The following WIPF3 variants were observed in gnomAD, a reference collection of about 807,000 sequenced individuals.
The protein encoded by WIPF3 is WAS/WASL-interacting protein family member 3.
In WIPF3, 33 loss-of-function variants were observed where a neutral mutation model predicts 38.9. That is an observed-to-expected ratio of 0.85 (90% CI 0.64 to 1.14). The LOEUF is 1.14. Ranked by LOEUF, WIPF3 falls within the 50% of genes most tolerant of loss-of-function variation. The pLI is 0.00. For synonymous variants in WIPF3, 324 were observed against 269.3 expected, an observed-to-expected ratio of 1.20 and a Z score of -1.99; for missense variants, 711 against 652.5, an observed-to-expected ratio of 1.09 and a Z score of -0.98.
chr7:29,846,225 C>T (rs174940), intron 2 of WIPF3, among the ~76,000 whole-genome samples: 82,809 of 152,000 alleles, frequency 0.54, 23,948 homozygotes, highest in East Asian at 0.79. Context: ...GAGAATAGAC[C>T]CTGTGCCTTT....
chr7:29,858,523 A>AC (rs1785225240), intron 2 of WIPF3, among the ~76,000 whole-genome samples: 1 of 151,986 alleles, frequency 6.6e-6, no homozygotes, highest in South Asian at 2.1e-4. Flanking sequence ...CTAAAAATAC[A>AC]CCCCCCTTAT....
At chr7:29,816,054 A>G (rs970488858) in intron 1 of WIPF3, among the ~76,000 whole-genome samples, 4 of 152,222 alleles carry the variant, frequency 2.6e-5, no homozygotes, top group African/African-American at 7.2e-5. Context: ...TTTGAGGTGT[A>G]AAGAGATCTC....
At chr7:29,910,346 A>C (rs1045741914) in intron 8 of WIPF3, among the ~76,000 whole-genome samples, 1 of 152,326 alleles carries the variant, frequency 6.6e-6, no homozygotes, top group African/African-American at 2.4e-5. Flanking sequence ...AATTCTGCCA[A>C]ACGTTCAAAG....
At chr7:29,906,134 A>AAAATCAC (rs1786392700) in intron 8 of WIPF3, 3 of 152,198 alleles carry the variant, frequency 2.0e-5, no homozygotes, top group Admixed American at 2.0e-4. Context: ...AACAACAACA[A>AAAATCAC]AAATCACATC....
At chr7:29,908,474 CA>C (rs536016936) in intron 8 of WIPF3, among the ~76,000 whole-genome samples, 1 of 152,080 alleles carries the variant, frequency 6.6e-6, no homozygotes, top group Non-Finnish European at 1.5e-5. Flanking sequence ...ATAGAGAACA[CA>C]AAAAAGCTGT....
intron 2 of WIPF3, among the ~76,000 whole-genome samples, chr7:29,852,467 C>G (rs1785118827): frequency 6.6e-6 from 1 of 152,202 alleles, no homozygotes; most frequent in South Asian, 2.1e-4. Flanking sequence ...TCATGTACAG[C>G]CTTGTTCTTC....
intron 1 of WIPF3, among the ~76,000 whole-genome samples, chr7:29,832,351 C>A (rs1363414598): frequency 2.1e-5 from 3 of 144,978 alleles, no homozygotes; most frequent in African/African-American, 7.9e-5. Context: ...GCCTTAGCAC[C>A]AGCCTGTAAA....
rs952325956 is a variant in WIPF3, at chr7:29,914,606, T to G, written c.*90T>G. 2.2e-6 allele frequency: 2 copies of G among 927,862 alleles called. No individual in the cohort carries two copies. The highest frequency in any genetic ancestry group is 3.5e-5 in the African/African-American group (2 of 57,848). 57.5% of individuals were successfully genotyped at this position (927,862 alleles called of 1,614,324 possible). On this transcript the variant is annotated 3_prime_UTR_variant, in exon 9 of 9. Transcript: ENST00000242140. The stretch of plus-strand genomic sequence containing the variant: ...CCCCATGCTCAAGCTGTAATTCAGT[T>G]GGCATACAGGCTTGGAATTGAGAAT...
rs1052318667 is a variant in WIPF3, at chr7:29,823,240, T to G, written c.-57-11428T>G. Among the ~76,000 whole-genome samples, 1 of 152,150 alleles carries G rather than the reference T, an allele frequency of 6.6e-6. No homozygotes were observed. Among genetic ancestry groups the G allele is most frequent in the Non-Finnish European group, 1.5e-5 (1 of 68,036 alleles). On this transcript the variant is annotated intron_variant, in intron 1 of 8. Transcript: ENST00000242140. The surrounding 1 kb of genome is among the most constrained non-coding windows in gnomAD (Gnocchi z 4.0). ...CATGCCAGAGAAGCCTTTTCTAGTG[T>G]GCACTGTAAGCTTTGAGAACCCAAC...
At chr7:29,888,758 A>G (rs899403890) in intron 6 of WIPF3, among the ~76,000 whole-genome samples, 1 of 152,166 alleles carries the variant, frequency 6.6e-6, no homozygotes, top group South Asian at 2.1e-4. Context: ...GGCTCAGCCC[A>G]TGAAAGGGCC....
Position 29,884,264 on chromosome 7 carries a change from T to TGACCCC in WIPF3, c.770_771insGACCCC (p.Leu257_Pro258insThrPro). 1 of 1,315,280 alleles carries TGACCCC rather than the reference T, an allele frequency of 7.6e-7. No individual in the cohort carries two copies. The highest frequency in any genetic ancestry group is 1.0e-6 in the Non-Finnish European group (1 of 992,704). 81.5% of individuals were successfully genotyped at this position (1,315,280 alleles called of 1,614,324 possible). A position where few individuals can be genotyped will look rare whatever the true frequency, so the allele number is the denominator to read the frequency against. ...AAGCCTCAGCTGGCTCCCTTGCACC[T>TGACCCC]CCCGCCCATCCCGCCCCCGCTCCCT... On this transcript the variant is annotated inframe_insertion, in exon 5 of 9. Transcript: ENST00000242140.
At chr7:29,913,868 G>A (rs76903824) in intron 8 of WIPF3, among the ~76,000 whole-genome samples, 3,410 of 152,236 alleles carry the variant, frequency 0.022, 119 homozygotes, top group African/African-American at 0.077. Context: ...CCAGCCTCAC[G>A]GCAGGCATGC....
intron 7 of WIPF3, among the ~76,000 whole-genome samples, chr7:29,890,098 C>G (rs990706641): frequency 7.9e-5 from 12 of 152,144 alleles, no homozygotes; most frequent in Non-Finnish European, 1.5e-4. Context: ...ATGATCCATG[C>G]CTGTAACCCC....
chr7:29,887,960 C>G, intron 5 of WIPF3, 108 bp from the exon 6 acceptor site: 3 of 1,413,532 alleles, frequency 2.1e-6, no homozygotes, highest in Non-Finnish European at 2.9e-6. Context: ...CTTTTACTCG[C>G]TGTATCATAT....
In WIPF3 at chr7:29,823,898, A is replaced by C. The variant is rs189277228; in HGVS notation, c.-57-10770A>C. Among the ~76,000 whole-genome samples, 8 of 152,298 alleles carry C rather than the reference A, an allele frequency of 5.3e-5. No individual in the cohort carries two copies. The highest frequency in any genetic ancestry group is 1.9e-4 in the African/African-American group (8 of 41,572). On this transcript the variant is annotated intron_variant, in intron 1 of 8. Coordinates refer to ENST00000242140, the MANE Select transcript of WIPF3 (RefSeq NM_001080529.3). The surrounding 1 kb of genome is among the most constrained non-coding windows in gnomAD (Gnocchi z 4.0). ...AAACGTTCCCTGAGGCCTCCCCAGA[A>C]GCAGATGCCGTTATGCTTCCTGTAC...
intron 7 of WIPF3, among the ~76,000 whole-genome samples, chr7:29,899,407 G>C (rs1786226177): frequency 6.6e-6 from 1 of 152,142 alleles, no homozygotes; most frequent in Non-Finnish European, 1.5e-5. Context: ...ATCACCTCCA[G>C]ACATTATTTA....
intron 2 of WIPF3, among the ~76,000 whole-genome samples, chr7:29,852,701 CT>C (rs1785122830): frequency 6.6e-6 from 1 of 152,216 alleles, no homozygotes; most frequent in South Asian, 2.1e-4. Context: ...ACCACTTGTT[CT>C]CTTTGCTGCC....
chr7:29,884,591 C>T lies in WIPF3; in HGVS notation c.1097C>T (p.Pro366Leu). 6.2e-7 allele frequency: 1 copy of T among 1,604,530 alleles called. No homozygotes were observed. Among genetic ancestry groups the T allele is most frequent in the Non-Finnish European group, 8.5e-7 (1 of 1,176,850 alleles). Residue 366 changes from proline to leucine, a missense_variant and splice_region_variant, in exon 5 of 9, where the codon CCA (proline) becomes CTA (leucine). Coordinates refer to ENST00000242140, the MANE Select transcript of WIPF3 (RefSeq NM_001080529.3). ...CTGCAGAAGAAGAGGCATGGCCGAC[C>T]AGGTAAGGAGCGCTGCCTGGCCCAG... ...PFLQKKRHGR[P>L]GAGGGKLNPP... is the part of the protein sequence containing the mutation.
At chr7:29,897,001 C>T (rs1562789576) in intron 7 of WIPF3, among the ~76,000 whole-genome samples, 3 of 152,164 alleles carry the variant, frequency 2.0e-5, no homozygotes, top group Non-Finnish European at 4.4e-5. Context: ...TCTCCTCTTC[C>T]CCCAGCCCCT....
Sources: gnomAD v4.1 joint callset for allele counts (sites outside exome capture counted in the v4.1 genomes callset) on GRCh38, gnomAD v4.1.1 for gene constraint, Gnocchi (gnomAD v3.1) non-coding constraint, MANE v1.5 for transcripts, NCBI Gene and HGNC (gene_info 2026-07-23, HGNC 2026-07-21) for gene names.